The following STRIP1 variants were observed in gnomAD, a reference collection of about 807,000 sequenced individuals.
STRIP1 encodes the protein striatin-interacting protein 1.
Under a neutral mutation model 106.2 loss-of-function variants are expected in STRIP1, and 63 were observed. The observed-to-expected ratio is 0.59, with a 90% CI of 0.48 to 0.73. The LOEUF (loss-of-function observed/expected upper bound fraction) is 0.73, where lower values mean the gene tolerates loss of function less well. Ranked by LOEUF, STRIP1 falls within the 30% of genes least tolerant of loss-of-function variation. The probability of loss-of-function intolerance (pLI) is 0.00; values close to 1 mark genes in which losing one functional copy is unlikely to be tolerated. For missense variants in STRIP1, 857 were observed against 1,074.8 expected, an observed-to-expected ratio of 0.80 and a Z score of 2.83; for synonymous variants, 390 against 413.0, an observed-to-expected ratio of 0.94 and a Z score of 0.67.
In STRIP1 at chr1:110,044,939, T is replaced by C. The variant is rs375961375; in HGVS notation, c.1352+34T>C. The C allele has an allele frequency of 3.8e-5, 62 of 1,613,714 alleles. No individual in the cohort carries two copies. In the African/African-American group the frequency reaches 8.3e-4, roughly 22 times the overall value. ...AAGCCGAGTTCATTTTGCTGTTAGC[T>C]CTCCCGGCCTTTGGTGTTTGGGATC... On this transcript the variant is annotated intron_variant, in intron 11 of 20. Coordinates refer to ENST00000369795, the MANE Select transcript of STRIP1 (RefSeq NM_033088.4).
Position 110,050,969 on chromosome 1 carries a change from G to A in STRIP1, c.1970G>A (p.Ser657Asn). 6.2e-7 allele frequency: 1 copy of A among 1,610,420 alleles called. No homozygotes were observed. The highest frequency in any genetic ancestry group is 1.1e-5 in the South Asian group (1 of 90,994). ...LTAESLEAGD[S>N]NQFCWRNLFS... ...TTTACCCTGCAGGAAGCAGGTGACAGTAACCAATTTTGCTGGAGGAACCTC... is the reference window on the plus strand; with the variant it reads ...TTTACCCTGCAGGAAGCAGGTGACAATAACCAATTTTGCTGGAGGAACCTC... Residue 657 changes from serine to asparagine, a missense_variant, in exon 19 of 21, where the codon AGT becomes AAT. Ser to Asn is a conservative substitution (Grantham distance 46). Transcript: ENST00000369795.
upstream of STRIP1, among the ~76,000 whole-genome samples, chr1:110,034,032 T>C (rs1652309319): frequency 6.6e-6 from 1 of 152,246 alleles, no homozygotes; most frequent in South Asian, 2.1e-4. Flanking sequence ...TGGGCTCTCT[T>C]ACATAAAGTC....
chr1:110,036,752 A>G (rs1337707535), intron 1 of STRIP1, among the ~76,000 whole-genome samples: 1 of 152,204 alleles, frequency 6.6e-6, no homozygotes, highest in African/African-American at 2.4e-5. Context: ...GAAGCTCAGT[A>G]ACTTGTGAAA....
intron 15 of STRIP1, chr1:110,048,358 C>G (rs1360357784): frequency 3.6e-5 from 6 of 166,336 alleles, no homozygotes; most frequent in Non-Finnish European, 6.6e-5. Flanking sequence ...GCCCTGTGCC[C>G]TGTACTTGTC....
At chr1:110,048,275 C>T (rs1048052080) in intron 15 of STRIP1, 2 of 204,966 alleles carry the variant, frequency 9.8e-6, no homozygotes, top group South Asian at 9.2e-5. Flanking sequence ...CATCCCTTTT[C>T]GCCAGTGATT....
chr1:110,039,629 C>T, intron 5 of STRIP1, 114 bp downstream of exon 5: 4 of 1,314,566 alleles, frequency 3.0e-6, no homozygotes, highest in East Asian at 5.1e-5. Flanking sequence ...GTTCTGGTCC[C>T]AGGCTGTGTT....
At chr1:110,049,360 G>A (rs956111204) in intron 16 of STRIP1, 100 bp from the exon 17 acceptor site, 20 of 1,561,560 alleles carry the variant, frequency 1.3e-5, no homozygotes, top group Non-Finnish European at 1.7e-5. Flanking sequence ...AATGTTCTAA[G>A]ACATGGCCCT....
At chr1:110,051,994 C>G in intron 20 of STRIP1, 107 bp downstream of exon 20, 1 of 1,229,100 alleles carries the variant, frequency 8.1e-7, no homozygotes, top group African/African-American at 1.5e-5. Context: ...TGAGCTTCCC[C>G]CCAAGGAACA....
At position 110,043,233 on chromosome 1, in the gene STRIP1, T is replaced by C. The variant is rs1325355271; in HGVS notation, c.1031T>C (p.Ile344Thr). ...ASPPASASDL[I>T]EQQQKRGRRE... ...CCACCAGCATCTGCTTCAGACTTGA[T>C]TGAGCAGCAGCAGAAACGGGGCCGC... Residue 344 changes from isoleucine to threonine, a missense_variant, in exon 9 of 21, where the codon ATT becomes ACT. By Grantham distance (89) the Ile-to-Thr change is moderately conservative (BLOSUM62 -1). Transcript: ENST00000369795. 2 of 1,613,392 alleles carry C rather than the reference T, an allele frequency of 1.2e-6. No homozygotes were observed. Among genetic ancestry groups the C allele is most frequent in the Non-Finnish European group, 8.5e-7 (1 of 1,180,012 alleles).
At chr1:110,043,401 C>T (rs1006081608) in intron 9 of STRIP1, 131 bp downstream of exon 9, 23 of 1,037,564 alleles carry the variant, frequency 2.2e-5, no homozygotes, top group African/African-American at 6.4e-5. Context: ...GCCTCCACAG[C>T]GAGGATACTT....
chr1:110,043,988 T>C, intron 10 of STRIP1, 132 bp downstream of exon 10: 1 of 830,108 alleles, frequency 1.2e-6, no homozygotes, highest in Admixed American at 2.3e-5. Context: ...GGGATGAGGC[T>C]CTCTTAAAGC....
intron 1 of STRIP1, among the ~76,000 whole-genome samples, chr1:110,037,198 C>T (rs1234907100): frequency 2.6e-5 from 4 of 152,116 alleles, no homozygotes; most frequent in African/African-American, 9.7e-5. Flanking sequence ...TGTAATTAAA[C>T]CTAAGGACTT....
Position 110,049,126 on chromosome 1 carries a change from A to G in STRIP1, c.1676A>G (p.Gln559Arg), listed in dbSNP as rs766696400. ...TATGTTTCCAGCACCACAGTGTTGC[A>G]GAGCATGAAGCTGGGGGTGGATGTA... ...LPEEMPTTVL[Q>R]SMKLGVDVNR... The change falls in exon 16 of 21, where the codon CAG becomes CGG. Residue 559 changes from glutamine to arginine, a missense_variant. By Grantham distance (43) the Gln-to-Arg change is conservative. Around this residue, in one of 2 missense-constraint regions of STRIP1, gnomAD observed 750 missense variants for 989.8 expected, o/e 0.76. Coordinates refer to ENST00000369795, the MANE Select transcript of STRIP1 (RefSeq NM_033088.4). 6.2e-7 allele frequency: 1 copy of G among 1,614,216 alleles called. No homozygotes were observed. The highest frequency in any genetic ancestry group is 1.7e-5 in the Admixed American group (1 of 60,020).
At chr1:110,048,260 A>G in intron 15 of STRIP1, 1 of 228,018 alleles carries the variant, frequency 4.4e-6, no homozygotes. Flanking sequence ...TGCCAGGTAT[A>G]GAGACATCCC....
intron 20 of STRIP1, among the ~76,000 whole-genome samples, chr1:110,052,431 G>A (rs1444772460): frequency 6.6e-6 from 1 of 151,928 alleles, no homozygotes; most frequent in Non-Finnish European, 1.5e-5. Context: ...CCACCTAATT[G>A]TATCTTTTTT....
chr1:110,040,347 A>G (rs1652698360), intron 5 of STRIP1, among the ~76,000 whole-genome samples: 1 of 152,060 alleles, frequency 6.6e-6, no homozygotes, highest in Non-Finnish European at 1.5e-5. Flanking sequence ...ACACCCAGCT[A>G]ATTTTTGTAT....
rs1468594085 is a variant in STRIP1, at chr1:110,038,685, C to T, written c.253C>T (p.Leu85Phe). Residue 85 changes from leucine (L) to phenylalanine (F), a missense_variant and splice_region_variant, in exon 3 of 21, where the codon CTT becomes TTT. Leu to Phe is a conservative substitution (Grantham distance 22). Coordinates refer to ENST00000369795, the MANE Select transcript of STRIP1 (RefSeq NM_033088.4). ...GTGACGAGACTTTGTTCTGACAGAG[C>T]TTTACAGCTACACGGAAGGGCCAGA... ...TDKWAAELSE[L>F]YSYTEGPEFL... is the part of the protein sequence containing the mutation. The T allele has an allele frequency of 6.2e-7, 1 of 1,613,934 alleles. No individual in the cohort carries two copies. The highest frequency in any genetic ancestry group is 1.3e-5 in the African/African-American group (1 of 74,938).
rs550905769 is a variant in STRIP1 at position 110,041,082 on chromosome 1, T to A, written c.650+379T>A. 11 of 206,216 alleles carry A rather than the reference T, an allele frequency of 5.3e-5. No homozygotes were observed. In the South Asian group the frequency reaches 1.1e-3, roughly 21 times the overall value. The allele number at this position is 206,216 out of a possible 1,614,324, so 12.8% of individuals were successfully genotyped here. ...ATGCTCATCTTCATTGGGTTAGACC[T>A]GACAGCTTCCTAATGTTTCATGGCT... On this transcript the variant is annotated intron_variant, in intron 6 of 20. Transcript: ENST00000369795.
At position 110,043,281 on chromosome 1, in the gene STRIP1, C is replaced by T. The variant is rs1652863170; in HGVS notation, c.1068+11C>T. 1.2e-6 allele frequency: 2 copies of T among 1,608,102 alleles called. No individual in the cohort carries two copies. The highest frequency in any genetic ancestry group is 1.7e-6 in the Non-Finnish European group (2 of 1,179,558). ...CGCCGAGAGCACAAGGTGAGGACGA[C>T]AGAGGTCCCTGTGACTCCTGAGGGC... On this transcript the variant is annotated intron_variant, in intron 9 of 20. Coordinates refer to ENST00000369795, the MANE Select transcript of STRIP1 (RefSeq NM_033088.4).
Sources: allele counts gnomAD v4.1 joint callset (sites outside exome capture counted in the v4.1 genomes callset), GRCh38; gene constraint gnomAD v4.1.1; regional missense constraint gnomAD v4.1.1; transcripts MANE v1.5; gene names NCBI Gene and HGNC (gene_info 2026-07-23, HGNC 2026-07-21).